CDH12: variants seen among roughly 807,000 people sequenced by gnomAD.
The protein encoded by CDH12 is cadherin-12.
A neutral mutation model predicts 74.1 loss-of-function variants in CDH12; 41 were observed. The ratio of observed to expected loss-of-function variants is 0.55; its 90% CI spans 0.43 to 0.72. The LOEUF is 0.72. Ranked by LOEUF, CDH12 falls within the 30% of genes least tolerant of loss-of-function variation. The probability of loss-of-function intolerance (pLI) is 0.00; values close to 1 mark genes in which losing one functional copy is unlikely to be tolerated. For synonymous variants in CDH12, 399 were observed against 355.0 expected, an observed-to-expected ratio of 1.12 and a Z score of -1.39; for missense variants, 945 against 977.2, an observed-to-expected ratio of 0.97 and a Z score of 0.44.
chr5:22,715,030 C>T lies in CDH12; in HGVS notation c.-523+138028G>A, dbSNP rs551060622. The stretch of plus-strand genomic sequence containing the variant: ...ATTGTATTTCTGCTTAAGTAAAGTA[C>T]AAGTATGTTTCTAAACTTTCAGTTA... On this transcript the variant is annotated intron_variant, in intron 1 of 14. Coordinates refer to ENST00000382254, the MANE Select transcript of CDH12 (RefSeq NM_004061.5). 7.2e-5 allele frequency among the ~76,000 whole-genome samples: 11 copies of T among 152,240 alleles called. No homozygotes were observed. The East Asian group carries it at 1.7e-3, about 24-fold the overall frequency.
intron 5 of CDH12, among the ~76,000 whole-genome samples, chr5:22,029,540 A>G (rs1460742652): frequency 2.0e-5 from 3 of 151,908 alleles, no homozygotes; most frequent in Non-Finnish European, 4.4e-5. Flanking sequence ...CATCAGAGAA[A>G]TGCAAATCAA....
intron 6 of CDH12, among the ~76,000 whole-genome samples, chr5:21,880,793 T>G (rs1163631609): frequency 9.2e-5 from 14 of 151,626 alleles, no homozygotes; most frequent in Admixed American, 8.6e-4. Context: ...AGAGTCCCAG[T>G]GCACCCCAGC....
chr5:21,763,929 C>T (rs1407975355), intron 12 of CDH12, among the ~76,000 whole-genome samples: 2 of 152,102 alleles, frequency 1.3e-5, no homozygotes, highest in Non-Finnish European at 2.9e-5. Flanking sequence ...CTCCTCAAGG[C>T]CACCAGAGAG....
At chr5:21,860,760 T>C (rs958489708) in intron 6 of CDH12, among the ~76,000 whole-genome samples, 1 of 151,970 alleles carries the variant, frequency 6.6e-6, no homozygotes, top group Non-Finnish European at 1.5e-5. Context: ...CATACACCTG[T>C]GGTTTGTCAG....
chr5:22,308,149 G>A (rs1738207719), intron 3 of CDH12, among the ~76,000 whole-genome samples: 2 of 151,912 alleles, frequency 1.3e-5, no homozygotes, highest in South Asian at 4.2e-4. Flanking sequence ...CAAAGTGCTA[G>A]GATTACAGGC....
intron 3 of CDH12, among the ~76,000 whole-genome samples, chr5:22,376,277 T>A (rs145444495): frequency 9.2e-5 from 14 of 152,120 alleles, no homozygotes; most frequent in African/African-American, 3.4e-4. Context: ...AATAGAAAGA[T>A]AGATGCAAGA....
intron 4 of CDH12, among the ~76,000 whole-genome samples, chr5:22,080,189 A>T (rs1742628926): frequency 6.6e-6 from 1 of 152,072 alleles, no homozygotes; most frequent in Non-Finnish European, 1.5e-5. Flanking sequence ...TGTTTAATTA[A>T]ATGTCTATAA....
At chr5:22,396,207 T>C (rs1384242213) in intron 3 of CDH12, among the ~76,000 whole-genome samples, 1 of 152,038 alleles carries the variant, frequency 6.6e-6, no homozygotes, top group Non-Finnish European at 1.5e-5. Context: ...AAATAAGCAA[T>C]TTTTTCTGTT....
intron 11 of CDH12, among the ~76,000 whole-genome samples, chr5:21,781,062 A>G (rs1327768339): frequency 6.6e-6 from 1 of 152,166 alleles, no homozygotes; most frequent in Non-Finnish European, 1.5e-5. Context: ...GATCATCCCA[A>G]GCCTAACTGC....
chr5:22,424,444 G>A (rs1018016865), intron 2 of CDH12, among the ~76,000 whole-genome samples: 4 of 152,130 alleles, frequency 2.6e-5, no homozygotes, highest in Non-Finnish European at 5.9e-5. Flanking sequence ...GAGCTCAAAG[G>A]CAGCCAGCCT....
chr5:22,292,258 T>C (rs1269172598), intron 3 of CDH12, among the ~76,000 whole-genome samples: 5 of 151,282 alleles, frequency 3.3e-5, no homozygotes, highest in South Asian at 4.2e-4. Context: ...TAGAAGAAAA[T>C]ATAGGGGGTA....
chr5:22,773,717 G>T (rs143922497), intron 1 of CDH12, among the ~76,000 whole-genome samples: 1 of 151,990 alleles, frequency 6.6e-6, no homozygotes, highest in Non-Finnish European at 1.5e-5. Flanking sequence ...AACCTACAGA[G>T]TGGGAGAAAA....
At chr5:22,165,292 C>G (rs1748616522) in intron 4 of CDH12, among the ~76,000 whole-genome samples, 1 of 152,190 alleles carries the variant, frequency 6.6e-6, no homozygotes, top group Admixed American at 6.5e-5. Context: ...TTCACTTTCT[C>G]CATGACAGAC....
chr5:22,455,395 C>T (rs71609292), intron 2 of CDH12, among the ~76,000 whole-genome samples: 1 of 152,106 alleles, frequency 6.6e-6, no homozygotes, highest in Non-Finnish European at 1.5e-5. Flanking sequence ...AAATGAGGTC[C>T]TTGGATCATC....
chr5:21,925,941 T>TAA (rs34061040), intron 6 of CDH12, among the ~76,000 whole-genome samples: 1,752 of 149,568 alleles, frequency 0.012, 15 homozygotes, highest in African/African-American at 0.02. Context: ...ATGCTTTTGA[T>TAA]AAAAAAAAAA....
At chr5:22,788,341 G>T (rs1747744146) in intron 1 of CDH12, among the ~76,000 whole-genome samples, 1 of 151,712 alleles carries the variant, frequency 6.6e-6, no homozygotes, top group Admixed American at 6.6e-5. Context: ...TTACACAAAG[G>T]CAGATTTATA....
intron 2 of CDH12, among the ~76,000 whole-genome samples, chr5:22,476,661 A>T (rs569185935): frequency 6.6e-6 from 1 of 152,306 alleles, no homozygotes; most frequent in Non-Finnish European, 1.5e-5. Flanking sequence ...ATTTATTTGT[A>T]TAAAATACTA....
At chr5:22,610,498 A>AG (rs1737343075) in intron 1 of CDH12, among the ~76,000 whole-genome samples, 1 of 152,094 alleles carries the variant, frequency 6.6e-6, no homozygotes, top group South Asian at 2.1e-4. Context: ...TCCATACTTC[A>AG]GTTATGTCAA....
chr5:22,005,339 G>A (rs1002416055), intron 5 of CDH12, among the ~76,000 whole-genome samples: 2 of 152,082 alleles, frequency 1.3e-5, no homozygotes, highest in African/African-American at 2.4e-5. Context: ...CACTGTGCTC[G>A]GCCCTAGTAT....
Sources: gnomAD v4.1 joint callset for allele counts (sites outside exome capture counted in the v4.1 genomes callset) on GRCh38, gnomAD v4.1.1 for gene constraint, MANE v1.5 for transcripts, NCBI Gene and HGNC (gene_info 2026-07-23, HGNC 2026-07-21) for gene names.